Variants in SIPA1L1 observed in about 807,000 individuals in gnomAD.
SIPA1L1 encodes the protein signal-induced proliferation-associated 1-like protein 1.
Under a neutral mutation model 162.7 loss-of-function variants are expected in SIPA1L1, and 26 were observed. The observed-to-expected ratio is 0.16, with a 90% CI of 0.12 to 0.22. SIPA1L1 has a LOEUF of 0.22. SIPA1L1 is among the 10% of genes least tolerant of loss of function. SIPA1L1 has a pLI of 1.00. For missense variants in SIPA1L1, 1,874 were observed against 2,241.0 expected, an observed-to-expected ratio of 0.84 and a Z score of 3.31; for synonymous variants, 829 against 837.4, an observed-to-expected ratio of 0.99 and a Z score of 0.17.
chr14:71,325,901 T>C (rs1036536382), intron 2 of SIPA1L1, among the ~76,000 whole-genome samples: 1 of 152,174 alleles, frequency 6.6e-6, no homozygotes, highest in Non-Finnish European at 1.5e-5. Flanking sequence ...TTTCCCTTTT[T>C]CCAATTCAGG....
chr14:71,620,375 A>G (rs1284973774), intron 6 of SIPA1L1, among the ~76,000 whole-genome samples: 3 of 152,100 alleles, frequency 2.0e-5, no homozygotes, highest in Non-Finnish European at 2.9e-5. Context: ...GGCCGTTCCT[A>G]CCAGTTTTTA....
rs560368161 is a variant in SIPA1L1 at position 71,622,434 on chromosome 14, G to T, written c.1630-1614G>T. Among the ~76,000 whole-genome samples, 6 of 152,150 alleles carry T rather than the reference G, an allele frequency of 3.9e-5. No homozygotes were observed. The East Asian group carries it at 1.2e-3, about 29-fold the overall frequency. The stretch of plus-strand genomic sequence containing the variant: ...AGCCATTCTTTTTCTCATCTGCTTT[G>T]GCTTTCATGAGTTAGCTGCTTTCTA... On this transcript the variant is annotated intron_variant, in intron 6 of 23. Coordinates refer to ENST00000381232, the MANE Select transcript of SIPA1L1 (RefSeq NM_001386936.1).
At chr14:71,541,373 A>G (rs2054364017) in intron 4 of SIPA1L1, among the ~76,000 whole-genome samples, 1 of 152,220 alleles carries the variant, frequency 6.6e-6, no homozygotes, top group African/African-American at 2.4e-5. Flanking sequence ...ATAAGTAAAT[A>G]AAGACCCAAA....
chr14:71,620,663 C>T (rs1274026247), intron 6 of SIPA1L1, among the ~76,000 whole-genome samples: 3 of 152,198 alleles, frequency 2.0e-5, no homozygotes, highest in Admixed American at 1.3e-4. Flanking sequence ...AGCTTCCCTT[C>T]TCAGCATGTC....
intron 2 of SIPA1L1, among the ~76,000 whole-genome samples, chr14:71,411,455 T>C (rs1447582103): frequency 5.3e-5 from 8 of 152,210 alleles, no homozygotes; most frequent in Admixed American, 2.6e-4. Context: ...ATTATTTTTC[T>C]AGCTCTTAAC....
At chr14:71,636,623 A>T (rs1567366012) in intron 7 of SIPA1L1, among the ~76,000 whole-genome samples, 4 of 152,222 alleles carry the variant, frequency 2.6e-5, no homozygotes. Context: ...CTAAGCTCAT[A>T]ACCTTATATG....
intron 2 of SIPA1L1, among the ~76,000 whole-genome samples, chr14:71,376,841 C>T (rs896010590): frequency 2.0e-5 from 3 of 152,032 alleles, no homozygotes; most frequent in East Asian, 1.9e-4. Flanking sequence ...TCAGAGAGCA[C>T]GGGGTTGGGG....
chr14:71,547,757 A>T (rs1055531265), intron 4 of SIPA1L1, among the ~76,000 whole-genome samples: 5 of 152,144 alleles, frequency 3.3e-5, no homozygotes, highest in African/African-American at 1.2e-4. Context: ...CCCTTTCCTT[A>T]AATAACAGAT....
At chr14:71,343,060 A>G (rs898049280) in intron 2 of SIPA1L1, among the ~76,000 whole-genome samples, 26 of 152,174 alleles carry the variant, frequency 1.7e-4, no homozygotes, top group Non-Finnish European at 2.9e-5. Context: ...ACCTTAGCCT[A>G]TTTATCATCC....
intron 13 of SIPA1L1, among the ~76,000 whole-genome samples, chr14:71,689,612 C>G (rs1163556516): frequency 6.6e-6 from 1 of 152,212 alleles, no homozygotes; most frequent in Non-Finnish European, 1.5e-5. Flanking sequence ...TTTGGATAAA[C>G]AACAGACATC....
intron 4 of SIPA1L1, among the ~76,000 whole-genome samples, chr14:71,554,131 T>C (rs1390012834): frequency 6.6e-6 from 1 of 152,242 alleles, no homozygotes; most frequent in Non-Finnish European, 1.5e-5. Context: ...GTTATTTCTG[T>C]TCAGCAAAGG....
chr14:71,615,521 G>A (rs2038736249), intron 5 of SIPA1L1, among the ~76,000 whole-genome samples: 1 of 152,210 alleles, frequency 6.6e-6, no homozygotes, highest in African/African-American at 2.4e-5. Context: ...AGAAAAGATG[G>A]ATTTGAGAGA....
intron 4 of SIPA1L1, among the ~76,000 whole-genome samples, chr14:71,554,640 T>C (rs1458011545): frequency 6.6e-6 from 1 of 152,210 alleles, no homozygotes; most frequent in Non-Finnish European, 1.5e-5. Context: ...GTTCACAAAT[T>C]ACAACATCCT....
intron 2 of SIPA1L1, among the ~76,000 whole-genome samples, chr14:71,502,255 A>AAAATATATATATATAT (rs67020418): frequency 3.3e-4 from 32 of 97,540 alleles, no homozygotes; most frequent in African/African-American, 1.4e-3. Context: ...AAAAAAAAAA[A>AAAATATATATATATAT]ATATATATAT....
chr14:71,566,639 TAAGAA>T (rs2146824424), intron 4 of SIPA1L1, among the ~76,000 whole-genome samples: 2 of 152,300 alleles, frequency 1.3e-5, no homozygotes, highest in African/African-American at 4.8e-5. Flanking sequence ...GATGGCTATT[TAAGAA>T]GTAGTGGTGG....
intron 2 of SIPA1L1, among the ~76,000 whole-genome samples, chr14:71,498,289 G>C (rs1158227134): frequency 2.0e-5 from 3 of 152,346 alleles, no homozygotes; most frequent in Middle Eastern, 3.4e-3. Context: ...AGGGAAGCTA[G>C]CAATGACTAT....
intron 2 of SIPA1L1, among the ~76,000 whole-genome samples, chr14:71,397,947 A>C (rs2041341927): frequency 6.6e-6 from 1 of 151,600 alleles, no homozygotes; most frequent in African/African-American, 2.4e-5. Flanking sequence ...ATTCCCACAC[A>C]GAGTTTCTTT....
At chr14:71,411,884 C>A (rs1283059871) in intron 2 of SIPA1L1, among the ~76,000 whole-genome samples, 1 of 152,202 alleles carries the variant, frequency 6.6e-6, no homozygotes, top group Non-Finnish European at 1.5e-5. Flanking sequence ...ATATGGAAAT[C>A]TTGTTCAGTT....
chr14:71,454,109 T>C (rs2046022173), intron 2 of SIPA1L1, among the ~76,000 whole-genome samples: 1 of 151,956 alleles, frequency 6.6e-6, no homozygotes, highest in Admixed American at 6.6e-5. Context: ...AAACCCTGTG[T>C]TCCCAGGTCT....
Sources: allele counts gnomAD v4.1 joint callset (sites outside exome capture counted in the v4.1 genomes callset), GRCh38; gene constraint gnomAD v4.1.1; transcripts MANE v1.5; gene names NCBI Gene and HGNC (gene_info 2026-07-23, HGNC 2026-07-21).